Variants in PTPRD observed in about 807,000 individuals in gnomAD.
The protein encoded by PTPRD is protein tyrosine phosphatase receptor type D.
In PTPRD, 34 loss-of-function variants were observed where a neutral mutation model predicts 214.5. The ratio of observed to expected loss-of-function variants is 0.16; its 90% confidence interval spans 0.12 to 0.21. The LOEUF (loss-of-function observed/expected upper bound fraction) is 0.21. Among genes scored for constraint, PTPRD ranks in the 10% least tolerant of loss-of-function variants. The probability of loss-of-function intolerance (pLI) is 1.00; values close to 1 mark genes in which losing one functional copy is unlikely to be tolerated. For synonymous variants in PTPRD, 1,128 were observed against 845.7 expected (o/e 1.33, Z -5.79); for missense variants, 2,545 against 2,398.7 (o/e 1.06, Z -1.27).
At chr9:10,119,596 T>C (rs1229699473) in intron 3 of PTPRD, among the ~76,000 whole-genome samples, 1 of 152,018 alleles carries the variant, frequency 6.6e-6, no homozygotes, top group Non-Finnish European at 1.5e-5. Context: ...ATTCAAGTCA[T>C]TCATTATTGA....
chr9:10,110,065 ATTGT>A (rs998028567), intron 3 of PTPRD, among the ~76,000 whole-genome samples: 1 of 151,952 alleles, frequency 6.6e-6, no homozygotes, highest in Non-Finnish European at 1.5e-5. Flanking sequence ...GCTATAATTT[ATTGT>A]TTGTTATTAA....
At chr9:9,587,655 AAATT>A (rs1219767680) in intron 7 of PTPRD, among the ~76,000 whole-genome samples, 1 of 151,954 alleles carries the variant, frequency 6.6e-6, no homozygotes, top group African/African-American at 2.4e-5. Flanking sequence ...ATGGGATCCA[AAATT>A]AGCATTTCTA....
At chr9:10,024,736 C>T (rs1276728952) in intron 4 of PTPRD, among the ~76,000 whole-genome samples, 1 of 148,472 alleles carries the variant, frequency 6.7e-6, no homozygotes, top group Non-Finnish European at 1.5e-5. Flanking sequence ...CCCATTAACT[C>T]GTCATTTAGC....
intron 4 of PTPRD, among the ~76,000 whole-genome samples, chr9:9,976,396 A>AT (rs994674268): frequency 7.3e-5 from 11 of 151,642 alleles, no homozygotes; most frequent in South Asian, 4.2e-4. Flanking sequence ...ATTTATTTTT[A>AT]TTTTTTTTGA....
intron 9 of PTPRD, among the ~76,000 whole-genome samples, chr9:9,381,423 T>C (rs1337404649): frequency 3.4e-5 from 5 of 149,092 alleles, no homozygotes; most frequent in African/African-American, 1.2e-4. Flanking sequence ...TGCAGTGGCA[T>C]AATCACAGCT....
At chr9:9,065,460 G>A (rs2099726277) in intron 10 of PTPRD, among the ~76,000 whole-genome samples, 1 of 152,186 alleles carries the variant, frequency 6.6e-6, no homozygotes, top group African/African-American at 2.4e-5. Context: ...TGGCTGCAGT[G>A]TGATGACATA....
intron 9 of PTPRD, among the ~76,000 whole-genome samples, chr9:9,274,660 T>A (rs1437347889): frequency 6.6e-6 from 1 of 151,226 alleles, no homozygotes; most frequent in Non-Finnish European, 1.5e-5. Context: ...TTGAACATAT[T>A]CTTTTGTCAG....
chr9:8,690,299 G>A (rs7041831), intron 12 of PTPRD, among the ~76,000 whole-genome samples: 1,801 of 151,890 alleles, frequency 0.012, 26 homozygotes, highest in African/African-American at 0.041. Context: ...AGGTCGAGGC[G>A]GGCAGATCAC....
At chr9:9,493,760 C>G (rs921873912) in intron 8 of PTPRD, among the ~76,000 whole-genome samples, 3 of 138,926 alleles carry the variant, frequency 2.2e-5, no homozygotes, top group African/African-American at 5.6e-5. Flanking sequence ...TGCACTCCAG[C>G]CTGGGTGACA....
chr9:8,973,343 G>A (rs1350837894), intron 11 of PTPRD, among the ~76,000 whole-genome samples: 2 of 151,916 alleles, frequency 1.3e-5, no homozygotes, highest in African/African-American at 4.8e-5. Context: ...CCATTAATTT[G>A]CTTAGGATAA....
chr9:9,624,277 TTTTG>T (rs1554723862), intron 7 of PTPRD, among the ~76,000 whole-genome samples: 14 of 151,534 alleles, frequency 9.2e-5, no homozygotes, highest in East Asian at 3.9e-4. Context: ...CTAGTTTTTT[TTTTG>T]TTTGTTTGTT....
chr9:9,837,305 T>C (rs964270462), intron 5 of PTPRD, among the ~76,000 whole-genome samples: 1 of 152,112 alleles, frequency 6.6e-6, no homozygotes, highest in African/African-American at 2.4e-5. Context: ...TTTGAGAGGA[T>C]GGTTTAATGA....
intron 9 of PTPRD, among the ~76,000 whole-genome samples, chr9:9,246,355 C>T (rs1213131015): frequency 6.6e-6 from 1 of 152,044 alleles, no homozygotes; most frequent in African/African-American, 2.4e-5. Context: ...AGCTTGACCA[C>T]TTGATATGGA....
At chr9:10,606,643 C>CT (rs893764710) in intron 2 of PTPRD, among the ~76,000 whole-genome samples, 2 of 151,090 alleles carry the variant, frequency 1.3e-5, no homozygotes, top group Non-Finnish European at 3.0e-5. Context: ...ATATCTAGGC[C>CT]TTTATCTTAA....
intron 10 of PTPRD, among the ~76,000 whole-genome samples, chr9:9,079,402 T>A (rs2099755854): frequency 6.6e-6 from 1 of 152,158 alleles, no homozygotes; most frequent in Non-Finnish European, 1.5e-5. Context: ...TATGGCTGAA[T>A]AATATTCCAT....
intron 5 of PTPRD, among the ~76,000 whole-genome samples, chr9:9,919,512 A>G (rs779638422): frequency 3.3e-5 from 5 of 152,154 alleles, no homozygotes; most frequent in African/African-American, 4.8e-5. Context: ...TCGGATAATT[A>G]TTCAAATGAA....
intron 14 of PTPRD, among the ~76,000 whole-genome samples, chr9:8,557,691 C>G (rs1455731471): frequency 7.0e-6 from 1 of 142,886 alleles, no homozygotes; most frequent in Non-Finnish European, 1.5e-5. Flanking sequence ...TGCAGTGAGC[C>G]GAGATCACGC....
At chr9:10,329,187 A>G (rs79178093) in intron 3 of PTPRD, among the ~76,000 whole-genome samples, 3,948 of 151,840 alleles carry the variant, frequency 0.026, 177 homozygotes, top group African/African-American at 0.09. Context: ...TTCAATGATA[A>G]GGTCTTAACT....
In PTPRD at chr9:9,977,540, G is replaced by C. The variant is rs558538083; in HGVS notation, c.-471-38930C>G. 2.0e-5 allele frequency among the ~76,000 whole-genome samples: 3 copies of C among 152,182 alleles called. No individual in the cohort carries two copies. The South Asian group carries it at 6.2e-4, about 32-fold the overall frequency. ...GACATTAACACTATGAAACAAGGAG[G>C]TAAGTGATTTTTAAGGGGTTTCCAA... On this transcript the variant is annotated intron_variant, in intron 4 of 45. Transcript: ENST00000381196.
Sources: gnomAD v4.1 joint callset for allele counts (sites outside exome capture counted in the v4.1 genomes callset) on GRCh38, gnomAD v4.1.1 for gene constraint, MANE v1.5 for transcripts, NCBI Gene and HGNC (gene_info 2026-07-23, HGNC 2026-07-21) for gene names.